The following DIDO1 variants were observed in gnomAD, a reference collection of about 807,000 sequenced individuals.
DIDO1 encodes the protein death-inducer obliterator 1.
Under a neutral mutation model 99.4 loss-of-function variants are expected in DIDO1, and 16 were observed. The observed-to-expected ratio is 0.16, with a 90% CI of 0.11 to 0.24. The LOEUF (loss-of-function observed/expected upper bound fraction) is 0.24. Ranked by LOEUF, DIDO1 falls within the 10% of genes least tolerant of loss-of-function variation. The pLI is 1.00. For synonymous variants in DIDO1, 1,366 were observed against 1,239.1 expected (o/e 1.10, Z -2.15); for missense variants, 2,996 against 3,014.0 (o/e 0.99, Z 0.14).
chr20:62,908,586 G>A (rs573429485), intron 4 of DIDO1, among the ~76,000 whole-genome samples: 5 of 152,296 alleles, frequency 3.3e-5, no homozygotes, highest in East Asian at 3.9e-4. Flanking sequence ...ATACTTAAGC[G>A]AAACCTTATT....
Position 62,879,290 on chromosome 20 carries a change from C to T in DIDO1, c.6666G>A (p.Arg2222=). ...KDRSKSKESA[R]DPKPEASRAS... Reference sequence around the variant, plus strand: ...CCCTCGAGGCCTCGGGCTTCGGGTCCCGAGCGCTCTCTTTGCTCTTGCTCC... The same window carrying T: ...CCCTCGAGGCCTCGGGCTTCGGGTCTCGAGCGCTCTCTTTGCTCTTGCTCC... Residue 2222 remains arginine, a synonymous_variant, in exon 16 of 16, where the codon CGG becomes CGA. Coordinates refer to ENST00000395343, the MANE Select transcript of DIDO1 (RefSeq NM_001193369.2). The surrounding 1 kb of genome is among the most constrained non-coding windows in gnomAD (Gnocchi z 6.3). The T allele has an allele frequency of 1.9e-6, 3 of 1,579,996 alleles. No homozygotes were observed. The highest frequency in any genetic ancestry group is 2.6e-6 in the Non-Finnish European group (3 of 1,165,616).
At chr20:62,922,227 C>T (rs1358173138) in intron 1 of DIDO1, among the ~76,000 whole-genome samples, 2 of 90,448 alleles carry the variant, frequency 2.2e-5, no homozygotes, top group African/African-American at 8.7e-5. Flanking sequence ...TATACACACA[C>T]ACACATATAT....
upstream of DIDO1, chr20:62,928,521 C>A (rs78493130): frequency 0.028 from 4,306 of 152,328 alleles, 100 homozygotes; most frequent in Non-Finnish European, 0.042. Context: ...TCCCAGCTTA[C>A]CTGCCGTCAC....
At position 62,905,869 on chromosome 20, in the gene DIDO1, C is replaced by T; in HGVS notation, c.1588+18G>A. On this transcript the variant is annotated intron_variant, in intron 6 of 15. Coordinates refer to ENST00000395343, the MANE Select transcript of DIDO1 (RefSeq NM_001193369.2). ...GAACGGGAGGGGTCCAGGAGGCCAA[C>T]CCCTAGGTGATACATACATTTATAC... The T allele has an allele frequency of 6.2e-7, 1 of 1,614,132 alleles. No homozygotes were observed. The highest frequency in any genetic ancestry group is 1.6e-4 in the Middle Eastern group (1 of 6,062).
chr20:62,905,223 G>A lies in DIDO1; in HGVS notation c.1588+664C>T. 2.4e-6 allele frequency: 3 copies of A among 1,237,064 alleles called. No homozygotes were observed. The South Asian group carries it at 6.7e-5, about 28-fold the overall frequency. The allele number at this position is 1,237,064 out of a possible 1,614,324, so 76.6% of individuals were successfully genotyped here. A position where few individuals can be genotyped will look rare whatever the true frequency, so the allele number is the denominator to read the frequency against. On this transcript the variant is annotated intron_variant, in intron 6 of 15. Transcript: ENST00000395343. ...CCAAGTCCAAGGCACGCGTCCTGCG[G>A]TCAGGACAGTGTTCTAGGTGTGAAC...
At chr20:62,897,055 ACT>A in intron 6 of DIDO1, 59 bp from the exon 7 acceptor site, 1 of 1,494,092 alleles carries the variant, frequency 6.7e-7, no homozygotes, top group East Asian at 2.3e-5. Context: ...CTGTCACCTG[ACT>A]CTAAAAAGCA....
chr20:62,902,938 A>G (rs1325133218), intron 6 of DIDO1, among the ~76,000 whole-genome samples: 2 of 151,978 alleles, frequency 1.3e-5, no homozygotes, highest in African/African-American at 4.8e-5. Context: ...ACCATCTCAA[A>G]ATTTTGAGAA....
Position 62,935,386 on chromosome 20 carries a change from C to T in DIDO1, c.-200+2410G>A, listed in dbSNP as rs73918871. ...TTAGCCATAATCAACTCACATGAAG[C>T]TTACCATTTTATGCTGAATCATGAC... On this transcript the variant is annotated intron_variant, in intron 1 of 15. Coordinates refer to the DIDO1 transcript ENST00000266070. 2.7e-3 allele frequency among the ~76,000 whole-genome samples: 408 copies of T among 152,284 alleles called. 1 individual carries two copies. Among genetic ancestry groups the T allele is most frequent in the African/African-American group, 9.4e-3 (389 of 41,560 alleles).
upstream of DIDO1, chr20:62,928,918 A>C (rs2065294773): frequency 6.6e-6 from 1 of 152,202 alleles, no homozygotes; most frequent in South Asian, 2.1e-4. Context: ...TGCCACGCAA[A>C]GTTTCAGGGA....
chr20:62,920,158 A>C (rs4809436), intron 1 of DIDO1, among the ~76,000 whole-genome samples: 1 of 152,130 alleles, frequency 6.6e-6, no homozygotes, highest in Non-Finnish European at 1.5e-5. Flanking sequence ...AATCCACCTC[A>C]TGCCGCAAGT....
rs563011033 is a variant in DIDO1, at chr20:62,907,291, C to T, written c.1230G>A (p.Ser410=). 4.3e-5 allele frequency: 69 copies of T among 1,614,218 alleles called. No homozygotes were observed. Among genetic ancestry groups the T allele is most frequent in the Middle Eastern group, 3.3e-4 (2 of 6,062 alleles). The change falls in exon 5 of 16, where the codon TCG becomes TCA. Residue 410 remains serine (S), a synonymous_variant. Transcript: ENST00000395343. ...GGATACAGTCATTACTGCAGTACAC[C>T]GAGTCGGGCTGCGCCACGTGACAGC... ...PGCCHVAQPD[S]VYCSNDCILK...
chr20:62,901,093 CT>C (rs1175093530), intron 6 of DIDO1, among the ~76,000 whole-genome samples: 1 of 152,186 alleles, frequency 6.6e-6, no homozygotes, highest in African/African-American at 2.4e-5. Context: ...ATGAATTCGC[CT>C]TTTATAAGTA....
chr20:62,885,675 A>G (rs915737993), intron 15 of DIDO1, among the ~76,000 whole-genome samples: 73 of 152,344 alleles, frequency 4.8e-4, no homozygotes, highest in African/African-American at 1.7e-3. Context: ...GCCATTTAAA[A>G]TTTAAATTGG....
At chr20:62,903,212 C>A (rs2064722337) in intron 6 of DIDO1, among the ~76,000 whole-genome samples, 1 of 152,208 alleles carries the variant, frequency 6.6e-6, no homozygotes. Flanking sequence ...GAAGGACCTA[C>A]TGATATCTTA....
intron 2 of DIDO1, among the ~76,000 whole-genome samples, chr20:62,913,942 C>T (rs1568875901): frequency 6.6e-6 from 1 of 152,238 alleles, no homozygotes; most frequent in Non-Finnish European, 1.5e-5. Context: ...TGCTGTACTA[C>T]ACTGTTTTAT....
At chr20:62,934,051 G>A (rs890711339) in intron 1 of DIDO1, among the ~76,000 whole-genome samples, 3 of 152,232 alleles carry the variant, frequency 2.0e-5, no homozygotes, top group Admixed American at 6.5e-5. Flanking sequence ...TCATCCACAT[G>A]CCCACCTCTG....
At chr20:62,918,317 T>C (rs540680325) in intron 1 of DIDO1, among the ~76,000 whole-genome samples, 2 of 152,244 alleles carry the variant, frequency 1.3e-5, no homozygotes, top group Non-Finnish European at 1.5e-5. Context: ...CACTTCCAGG[T>C]TGTGGTACAG....
intron 5 of DIDO1, among the ~76,000 whole-genome samples, chr20:62,906,741 G>C (rs1010998182): frequency 3.3e-5 from 5 of 151,996 alleles, no homozygotes; most frequent in African/African-American, 1.2e-4. Flanking sequence ...ATAACACGGA[G>C]TACAAACATG....
chr20:62,933,072 C>T (rs1408252722), intron 1 of DIDO1, among the ~76,000 whole-genome samples: 3 of 152,176 alleles, frequency 2.0e-5, no homozygotes, highest in African/African-American at 7.2e-5. Context: ...ATTAGCCGGG[C>T]GTGGTGGCGC....
Sources: gnomAD v4.1 joint callset for allele counts (sites outside exome capture counted in the v4.1 genomes callset) on GRCh38, gnomAD v4.1.1 for gene constraint, Gnocchi (gnomAD v3.1) non-coding constraint, MANE v1.5 for transcripts, NCBI Gene and HGNC (gene_info 2026-07-23, HGNC 2026-07-21) for gene names.